DLGAP2: variants seen among roughly 807,000 people sequenced by gnomAD.
DLGAP2 encodes disks large-associated protein 2.
DLGAP2 carries 26 observed loss-of-function variants against 100.3 expected under a neutral mutation model. The ratio of observed to expected loss-of-function variants is 0.26; its 90% CI spans 0.19 to 0.36. The LOEUF (loss-of-function observed/expected upper bound fraction) is 0.36. Ranked by LOEUF, DLGAP2 falls within the 10% of genes least tolerant of loss-of-function variation. The probability of loss-of-function intolerance (pLI) is 1.00; values close to 1 mark genes in which losing one functional copy is unlikely to be tolerated. For synonymous variants in DLGAP2, 886 were observed against 630.1 expected (o/e 1.41, Z -6.08); for missense variants, 1,858 against 1,453.2 (o/e 1.28, Z -4.53).
intron 2 of DLGAP2, among the ~76,000 whole-genome samples, chr8:963,554 C>G (rs576796651): frequency 6.6e-6 from 1 of 152,112 alleles, no homozygotes; most frequent in Non-Finnish European, 1.5e-5. Context: ...TGTAATTCCT[C>G]TCAACACAAC....
intron 1 of DLGAP2, among the ~76,000 whole-genome samples, chr8:823,225 C>A (rs1442436195): frequency 1.3e-5 from 2 of 152,116 alleles, no homozygotes; most frequent in Non-Finnish European, 2.9e-5. Context: ...GACCAAGTTG[C>A]CACCTCAGGA....
At chr8:802,774 T>C (rs955224819) in intron 1 of DLGAP2, among the ~76,000 whole-genome samples, 1 of 152,040 alleles carries the variant, frequency 6.6e-6, no homozygotes, top group African/African-American at 2.4e-5. Flanking sequence ...ACATCTAAGA[T>C]CTCTTCAGGT....
At chr8:871,156 G>C (rs898911074) in intron 1 of DLGAP2, among the ~76,000 whole-genome samples, 3 of 152,160 alleles carry the variant, frequency 2.0e-5, no homozygotes, top group African/African-American at 7.2e-5. Context: ...GCCACCGTTG[G>C]GTGCCGTGCC....
At chr8:1,063,176 C>G (rs1275097815) in intron 2 of DLGAP2, among the ~76,000 whole-genome samples, 1 of 152,154 alleles carries the variant, frequency 6.6e-6, no homozygotes, top group Non-Finnish European at 1.5e-5. Context: ...ACTGATACGC[C>G]GCAAAGTGCT....
intron 2 of DLGAP2, among the ~76,000 whole-genome samples, chr8:950,144 G>A (rs1799441808): frequency 6.6e-6 from 1 of 152,146 alleles, no homozygotes; most frequent in South Asian, 2.1e-4. Flanking sequence ...CCTGGAACGG[G>A]AGAGTCCAAA....
At chr8:1,364,520 G>A (rs1383060411) in intron 3 of DLGAP2, among the ~76,000 whole-genome samples, 4 of 150,542 alleles carry the variant, frequency 2.7e-5, no homozygotes, top group African/African-American at 9.8e-5. Context: ...GTGCAGCGAA[G>A]CAGACACATT....
intron 2 of DLGAP2, among the ~76,000 whole-genome samples, chr8:1,245,413 A>G (rs1461985958): frequency 6.6e-6 from 1 of 152,246 alleles, no homozygotes; most frequent in Non-Finnish European, 1.5e-5. Context: ...TTCTCTAGCA[A>G]TAAAGGAATG....
intron 11 of DLGAP2, among the ~76,000 whole-genome samples, chr8:1,677,739 A>C (rs540718541): frequency 6.6e-6 from 1 of 152,364 alleles, no homozygotes; most frequent in Middle Eastern, 3.4e-3. Flanking sequence ...ATTATTTTGC[A>C]TACAGGGGTT....
Position 1,549,289 on chromosome 8 carries a change from A to C in DLGAP2, c.836A>C (p.Lys279Thr). The C allele has an allele frequency of 6.2e-7, 1 of 1,612,250 alleles. No individual in the cohort carries two copies. Among genetic ancestry groups the C allele is most frequent in the South Asian group, 1.1e-5 (1 of 91,034 alleles). ...AHHAKHSKRS[K>T]SKERKPEGKP... ...CACGCCAAGCACAGCAAGAGGAGCA[A>C]GAGCAAGGAGCGCAAGCCGGAGGGC... The change falls in exon 5 of 15, where the codon AAG becomes ACG. Residue 279 changes from lysine (K) to threonine (T), a missense_variant. Coordinates refer to ENST00000637795, the MANE Select transcript of DLGAP2 (RefSeq NM_001346810.2).
intron 1 of DLGAP2, among the ~76,000 whole-genome samples, chr8:745,251 C>T (rs1018548296): frequency 2.0e-5 from 3 of 152,170 alleles, no homozygotes; most frequent in Non-Finnish European, 4.4e-5. Context: ...AATTTCCGAA[C>T]ATCTGTTTTC....
intron 1 of DLGAP2, among the ~76,000 whole-genome samples, chr8:767,362 T>A (rs1345487668): frequency 1.3e-5 from 2 of 150,376 alleles, no homozygotes; most frequent in African/African-American, 4.9e-5. Flanking sequence ...TTTTTTTTTT[T>A]TTTTTTGAGA....
In DLGAP2 at chr8:1,614,641, C is replaced by T. The variant is rs553431889; in HGVS notation, c.1443-12099C>T. Among the ~76,000 whole-genome samples, 4 of 152,376 alleles carry T rather than the reference C, an allele frequency of 2.6e-5. No homozygotes were observed. The South Asian group carries it at 8.3e-4, about 32-fold the overall frequency. ...TGGCACAGCCTCTGCCTCTGCAGTG[C>T]TGGGCTCCCCAAACCAACAACTACA... On this transcript the variant is annotated intron_variant, in intron 6 of 14. Transcript: ENST00000637795.
chr8:1,332,095 C>T (rs1260993715), intron 3 of DLGAP2, among the ~76,000 whole-genome samples: 2 of 152,206 alleles, frequency 1.3e-5, no homozygotes, highest in East Asian at 3.8e-4. Flanking sequence ...ACAGCCCATC[C>T]CCAACAGCCA....
intron 3 of DLGAP2, among the ~76,000 whole-genome samples, chr8:1,332,163 G>C (rs1340644489): frequency 2.0e-5 from 3 of 152,028 alleles, no homozygotes; most frequent in African/African-American, 7.2e-5. Context: ...GTGTGAGTGT[G>C]TGTGTGCGAA....
At chr8:1,189,738 G>A (rs1797593572) in intron 2 of DLGAP2, among the ~76,000 whole-genome samples, 1 of 152,184 alleles carries the variant, frequency 6.6e-6, no homozygotes, top group South Asian at 2.1e-4. Context: ...TTATCCAATA[G>A]GCATTTGTGT....
intron 6 of DLGAP2, chr8:1,621,699 C>T (rs1367254184): frequency 6.6e-6 from 1 of 152,382 alleles, no homozygotes; most frequent in Non-Finnish European, 1.5e-5. Context: ...GGCAGCCAAG[C>T]AAGGGTATGG....
intron 3 of DLGAP2, among the ~76,000 whole-genome samples, chr8:1,326,608 C>G (rs1001724094): frequency 3.9e-5 from 6 of 152,286 alleles, no homozygotes; most frequent in African/African-American, 1.4e-4. Flanking sequence ...CGTGCTCGGT[C>G]TCAGTCTTGG....
chr8:997,577 G>T (rs1165735097), intron 2 of DLGAP2, among the ~76,000 whole-genome samples: 2 of 152,082 alleles, frequency 1.3e-5, no homozygotes, highest in Non-Finnish European at 2.9e-5. Context: ...TTAAAATAAA[G>T]CATAAAATGT....
chr8:1,219,010 A>G (rs890325334), intron 2 of DLGAP2, among the ~76,000 whole-genome samples: 1 of 152,190 alleles, frequency 6.6e-6, no homozygotes, highest in African/African-American at 2.4e-5. Context: ...TATCAGTTTT[A>G]GGAGCCTTTG....
Sources: allele counts gnomAD v4.1 joint callset (sites outside exome capture counted in the v4.1 genomes callset), GRCh38; gene constraint gnomAD v4.1.1; transcripts MANE v1.5; gene names NCBI Gene and HGNC (gene_info 2026-07-23, HGNC 2026-07-21).